The following CFAP46 variants were observed in gnomAD, a reference collection of about 807,000 sequenced individuals.
CFAP46 encodes the protein cilia- and flagella-associated protein 46.
Under a neutral mutation model 325.7 loss-of-function variants are expected in CFAP46, and 245 were observed. The ratio of observed to expected loss-of-function variants is 0.75; its 90% CI spans 0.68 to 0.84. CFAP46 has a LOEUF of 0.84. Ranked by LOEUF, CFAP46 falls within the 40% of genes least tolerant of loss-of-function variation. CFAP46 has a pLI of 0.00. For missense variants in CFAP46, 3,346 were observed against 3,543.0 expected (o/e 0.94, Z 1.41); for synonymous variants, 1,523 against 1,495.9 (o/e 1.02, Z -0.42).
Position 132,903,789 on chromosome 10 carries a change from T to C in CFAP46, c.2925-4123A>G, listed in dbSNP as rs117286996. Among the ~76,000 whole-genome samples, 326 of 152,330 alleles carry C rather than the reference T, an allele frequency of 2.1e-3. 1 individual carries two copies. The highest frequency in any genetic ancestry group is 3.4e-3 in the Non-Finnish European group (232 of 68,038). Reference sequence around the variant, plus strand: ...TAAATATATGATATGTGAATATATATAAAATCACTGTTGGTGATTACGTTA... The same window carrying C: ...TAAATATATGATATGTGAATATATACAAAATCACTGTTGGTGATTACGTTA... On this transcript the variant is annotated intron_variant, in intron 22 of 57. Coordinates refer to ENST00000368586, the MANE Select transcript of CFAP46 (RefSeq NM_001200049.3).
intron 10 of CFAP46, among the ~76,000 whole-genome samples, 198 bp downstream of exon 10, chr10:132,926,370 A>G (rs1291806549): frequency 1.3e-5 from 2 of 152,108 alleles, no homozygotes; most frequent in African/African-American, 4.8e-5. Context: ...GGCGGCGTGT[A>G]GGCCCCTGTG....
chr10:132,925,754 C>T (rs947217243), intron 10 of CFAP46, among the ~76,000 whole-genome samples: 36 of 152,252 alleles, frequency 2.4e-4, no homozygotes, highest in African/African-American at 8.4e-4. Context: ...GGCTGTGACA[C>T]GTGTGCCAGG....
chr10:132,935,702 T>G (rs1315249522), intron 7 of CFAP46, among the ~76,000 whole-genome samples: 118 of 120,122 alleles, frequency 9.8e-4, no homozygotes, highest in Non-Finnish European at 1.6e-3. Context: ...CCAAACACAC[T>G]GTGATCTCCT....
intron 39 of CFAP46, 43 bp downstream of exon 39, chr10:132,857,547 T>A (rs1453213405): frequency 5.7e-6 from 9 of 1,585,572 alleles, no homozygotes; most frequent in Admixed American, 1.9e-5. Context: ...TATATCCCGG[T>A]GGGAGTGACC....
intron 32 of CFAP46, among the ~76,000 whole-genome samples, chr10:132,870,440 C>T (rs1848881658): frequency 1.3e-5 from 2 of 152,174 alleles, no homozygotes; most frequent in Admixed American, 1.3e-4. Context: ...AGACTGCAAG[C>T]TCGGCCCCTG....
intron 50 of CFAP46, among the ~76,000 whole-genome samples, chr10:132,831,160 C>G (rs764775981): frequency 1.3e-5 from 2 of 151,124 alleles, no homozygotes; most frequent in Non-Finnish European, 2.9e-5. Context: ...TAATTTGGAC[C>G]CTTTCATATT....
chr10:132,918,608 T>C, intron 15 of CFAP46, 88 bp from the exon 16 acceptor site: 1 of 1,435,686 alleles, frequency 7.0e-7, no homozygotes, highest in East Asian at 2.5e-5. Context: ...TTGGAGTGCC[T>C]GAGCCTCTCC....
At chr10:132,899,162 C>T (rs1175939958) in intron 23 of CFAP46, 41 bp from the exon 24 acceptor site, 3 of 1,527,790 alleles carry the variant, frequency 2.0e-6, no homozygotes, top group Non-Finnish European at 2.6e-6. Context: ...TCCACCTGGG[C>T]CCACCTGGAG....
rs1850049262 is a variant in CFAP46 at position 132,938,617 on chromosome 10, C to G, written c.508G>C (p.Asp170His). The G allele has an allele frequency of 3.1e-6, 5 of 1,613,414 alleles. No individual in the cohort carries two copies. The highest frequency in any genetic ancestry group is 4.2e-6 in the Non-Finnish European group (5 of 1,180,006). Residue 170 changes from aspartate (D) to histidine (H), a missense_variant, in exon 5 of 58, where the codon GAC (aspartate) becomes CAC (histidine). By Grantham distance (81) the Asp-to-His change is moderately conservative (BLOSUM62 -1). Coordinates refer to ENST00000368586, the MANE Select transcript of CFAP46 (RefSeq NM_001200049.3). ...INVLSQTEEEDKEWRAELMLE... is the reference protein window; with the variant it reads ...INVLSQTEEEHKEWRAELMLE... The stretch of plus-strand genomic sequence containing the variant: ...ATCAGCTCAGCACGCCACTCCTTGT[C>G]TTCCTCCTCAGTCTGACTCAGCACG...
Position 132,877,024 on chromosome 10 carries a change from G to T in CFAP46, c.4213-63C>A. On this transcript the variant is annotated intron_variant, in intron 30 of 57. Coordinates refer to ENST00000368586, the MANE Select transcript of CFAP46 (RefSeq NM_001200049.3). This position sits in a 1 kb window ranked among gnomAD's most constrained non-coding sequence, Gnocchi z 5.7. ...GGAGGTGAAACAGCAGACACCCCCG[G>T]CCCACCGGCATGGCTGTGCAGCATT... 1 of 1,496,390 alleles carries T rather than the reference G, an allele frequency of 6.7e-7. No homozygotes were observed. The highest frequency in any genetic ancestry group is 9.0e-7 in the Non-Finnish European group (1 of 1,110,816). The allele number at this position is 1,496,390 out of a possible 1,614,324, so 92.7% of individuals were successfully genotyped here.
Position 132,910,038 on chromosome 10 carries a change from C to T in CFAP46, c.2530G>A (p.Gly844Arg), listed in dbSNP as rs1414211582. Reference protein sequence around the residue: ...VCEFALNLTNGSAPEETVPTG... With the variant: ...VCEFALNLTNRSAPEETVPTG... ...GGCACCGTCTCCTCGGGCGCACTCC[C>T]ATTGGTCAGGTTCAGGGCAAACTCG... Residue 844 changes from glycine to arginine, a missense_variant, in exon 20 of 58, where the codon GGG (glycine) becomes AGG (arginine). Gly to Arg is a moderately radical substitution (Grantham distance 125). Coordinates refer to ENST00000368586, the MANE Select transcript of CFAP46 (RefSeq NM_001200049.3). 9 of 1,526,626 alleles carry T rather than the reference C, an allele frequency of 5.9e-6. No homozygotes were observed. The African/African-American group carries it at 1.3e-4, about 21-fold the overall frequency. The allele number at this position is 1,526,626 out of a possible 1,614,324, so 94.6% of individuals were successfully genotyped here.
intron 39 of CFAP46, among the ~76,000 whole-genome samples, chr10:132,852,676 A>C (rs922986182): frequency 1.3e-5 from 2 of 152,238 alleles, no homozygotes; most frequent in Non-Finnish European, 2.9e-5. Context: ...TTCTCCAGTT[A>C]CTTAGGCATT....
chr10:132,818,619 G>A (rs748871274), intron 50 of CFAP46, among the ~76,000 whole-genome samples: 8 of 152,256 alleles, frequency 5.3e-5, no homozygotes, highest in South Asian at 4.1e-4. Context: ...TTGGGAGGCC[G>A]AGGTGGGTGG....
Position 132,850,341 on chromosome 10 carries a change from CG to C in CFAP46, c.5854del (p.Arg1952AlafsTer38). 6.4e-7 allele frequency: 1 copy of C among 1,556,570 alleles called. No homozygotes were observed. Among genetic ancestry groups the C allele is most frequent in the Non-Finnish European group, 8.7e-7 (1 of 1,150,162 alleles). ...CCCGGCCAGGCCCAGGAGCCGGGCG[CG>C]GATCTCCACACAGCCCACGCTCAGC... is the stretch of plus-strand genomic sequence containing the variant. The part of the protein sequence containing the change: ...QPLSVGCVEI[R>X]ARLLGLAGRA... On this transcript the variant is annotated frameshift_variant, in exon 41 of 58. Coordinates refer to ENST00000368586, the MANE Select transcript of CFAP46 (RefSeq NM_001200049.3). LOFTEE classifies it high-confidence loss of function.
chr10:132,926,873 C>T (rs1222502984), intron 9 of CFAP46, among the ~76,000 whole-genome samples: 1 of 152,230 alleles, frequency 6.6e-6, no homozygotes, highest in African/African-American at 2.4e-5. Flanking sequence ...TGCCTGCGGG[C>T]CCCACCACCT....
intron 28 of CFAP46, 85 bp from the exon 29 acceptor site, chr10:132,879,716 G>GT: frequency 7.5e-7 from 1 of 1,341,246 alleles, no homozygotes; most frequent in African/African-American, 1.5e-5. Flanking sequence ...GCCCGAGGCT[G>GT]TGGTGGACTG....
intron 9 of CFAP46, among the ~76,000 whole-genome samples, chr10:132,928,806 T>C (rs1849848175): frequency 6.6e-6 from 1 of 152,244 alleles, no homozygotes; most frequent in African/African-American, 2.4e-5. Context: ...TGGAAGAGCC[T>C]GTCACAGTTC....
At chr10:132,937,937 T>C (rs1307442719) in intron 5 of CFAP46, among the ~76,000 whole-genome samples, 1 of 152,186 alleles carries the variant, frequency 6.6e-6, no homozygotes, top group African/African-American at 2.4e-5. Flanking sequence ...CAAACGGCCA[T>C]ATGGCAAGTA....
At chr10:132,822,254 A>T (rs1225733721) in intron 50 of CFAP46, among the ~76,000 whole-genome samples, 2 of 95,468 alleles carry the variant, frequency 2.1e-5, no homozygotes, top group South Asian at 4.0e-4. Context: ...GTGTGCGCTG[A>T]TGTGTGCTGT....
Sources: allele counts gnomAD v4.1 joint callset (sites outside exome capture counted in the v4.1 genomes callset), GRCh38; gene constraint gnomAD v4.1.1; non-coding constraint Gnocchi (gnomAD v3.1); transcripts MANE v1.5; gene names NCBI Gene and HGNC (gene_info 2026-07-23, HGNC 2026-07-21).